Variants in GPC5 observed in about 807,000 individuals in gnomAD.
GPC5 encodes glypican 5.
Under a neutral mutation model 53.9 loss-of-function variants are expected in GPC5, and 47 were observed. The ratio of observed to expected loss-of-function variants is 0.87; its 90% CI spans 0.69 to 1.11. The LOEUF (loss-of-function observed/expected upper bound fraction) is 1.11. Ranked by LOEUF, GPC5 falls within the 50% of genes most tolerant of loss-of-function variation. GPC5 has a pLI of 0.00. For missense variants in GPC5, 748 were observed against 713.1 expected (o/e 1.05, Z -0.56); for synonymous variants, 286 against 263.3 (o/e 1.09, Z -0.84).
intron 7 of GPC5, among the ~76,000 whole-genome samples, chr13:92,790,770 G>GAGTCA (rs1876431791): frequency 2.0e-5 from 3 of 152,078 alleles, no homozygotes; most frequent in African/African-American, 7.2e-5. Flanking sequence ...TAATGGCCTT[G>GAGTCA]TTTAATGACT....
chr13:92,469,488 C>G (rs1176877553), intron 7 of GPC5, among the ~76,000 whole-genome samples: 1 of 152,120 alleles, frequency 6.6e-6, no homozygotes, highest in Non-Finnish European at 1.5e-5. Context: ...AATCTAAGGT[C>G]TATCATATGG....
chr13:92,665,590 G>T (rs531472082), intron 7 of GPC5, among the ~76,000 whole-genome samples: 22 of 152,210 alleles, frequency 1.4e-4, no homozygotes, highest in African/African-American at 4.8e-4. Context: ...ATGTTGAAGG[G>T]TTGTCCGTGG....
intron 6 of GPC5, among the ~76,000 whole-genome samples, chr13:91,960,246 T>C (rs1201693354): frequency 6.7e-6 from 1 of 149,944 alleles, no homozygotes; most frequent in Non-Finnish European, 1.5e-5. Flanking sequence ...GGATACAAAA[T>C]AAATATGCAA....
intron 2 of GPC5, among the ~76,000 whole-genome samples, chr13:91,519,560 C>T (rs1443380804): frequency 6.6e-6 from 1 of 152,192 alleles, no homozygotes; most frequent in Non-Finnish European, 1.5e-5. Flanking sequence ...GAAGATGTGT[C>T]TACTTCCCCT....
At chr13:92,577,327 A>T (rs149948010) in intron 7 of GPC5, among the ~76,000 whole-genome samples, 1 of 152,240 alleles carries the variant, frequency 6.6e-6, no homozygotes, top group African/African-American at 2.4e-5. Context: ...CAAGCTATTA[A>T]TAGCTACCAT....
chr13:92,541,912 T>C (rs1290886931), intron 7 of GPC5, among the ~76,000 whole-genome samples: 1 of 151,986 alleles, frequency 6.6e-6, no homozygotes, highest in Admixed American at 6.6e-5. Context: ...GGCATGCTTA[T>C]GTTAGATTAA....
intron 7 of GPC5, among the ~76,000 whole-genome samples, chr13:92,428,179 C>T (rs539401645): frequency 1.7e-4 from 26 of 152,214 alleles, no homozygotes; most frequent in African/African-American, 4.8e-4. Flanking sequence ...CAACCTATGG[C>T]GGACACATGG....
At chr13:92,028,549 G>C (rs1348183546) in intron 6 of GPC5, among the ~76,000 whole-genome samples, 1 of 152,128 alleles carries the variant, frequency 6.6e-6, no homozygotes, top group African/African-American at 2.4e-5. Context: ...AAATGTATTT[G>C]TGCTGGGTAA....
intron 7 of GPC5, among the ~76,000 whole-genome samples, chr13:92,347,004 CAAAAG>C (rs1171278139): frequency 5.9e-5 from 9 of 151,804 alleles, no homozygotes; most frequent in Admixed American, 5.2e-4. Context: ...AGCCAAAAGA[CAAAAG>C]AATGAAAAAA....
At chr13:92,124,123 T>G (rs2041673753) in intron 6 of GPC5, among the ~76,000 whole-genome samples, 1 of 150,492 alleles carries the variant, frequency 6.6e-6, no homozygotes, top group African/African-American at 2.5e-5. Flanking sequence ...GTTAACTTTG[T>G]GCTTTTCTTT....
At chr13:91,862,408 T>C (rs973826625) in intron 5 of GPC5, among the ~76,000 whole-genome samples, 5 of 152,146 alleles carry the variant, frequency 3.3e-5, no homozygotes, top group African/African-American at 1.2e-4. Flanking sequence ...ATATTTTTAG[T>C]TGTTAGCCTG....
intron 2 of GPC5, among the ~76,000 whole-genome samples, chr13:91,507,516 A>G (rs1885005381): frequency 1.3e-5 from 2 of 152,188 alleles, no homozygotes; most frequent in South Asian, 4.1e-4. Context: ...TAAAACCATC[A>G]GATCTTGTGA....
chr13:92,672,288 T>C (rs1286931959), intron 7 of GPC5, among the ~76,000 whole-genome samples: 1 of 152,164 alleles, frequency 6.6e-6, no homozygotes, highest in Non-Finnish European at 1.5e-5. Flanking sequence ...TTCAAAACTG[T>C]CTGTTCATGA....
At chr13:92,580,296 T>TA (rs1883329701) in intron 7 of GPC5, among the ~76,000 whole-genome samples, 1 of 152,092 alleles carries the variant, frequency 6.6e-6, no homozygotes, top group Admixed American at 6.6e-5. Context: ...CAAATGTAAA[T>TA]AAAAGAATAA....
chr13:92,101,354 C>A (rs2041465805), intron 6 of GPC5, among the ~76,000 whole-genome samples: 1 of 152,182 alleles, frequency 6.6e-6, no homozygotes, highest in South Asian at 2.1e-4. Flanking sequence ...CAGGGCTTAG[C>A]AACCCCATTC....
Position 91,945,742 on chromosome 13 carries a change from G to C in GPC5, c.1401+37685G>C, listed in dbSNP as rs182460083. On this transcript the variant is annotated intron_variant, in intron 6 of 7. Coordinates refer to ENST00000377067, the MANE Select transcript of GPC5 (RefSeq NM_004466.6). ...TGGGGGACATTATGGAGCCACTGCT[G>C]TTCTGCTTGGTAGTGCCCAAAATGG... Among the ~76,000 whole-genome samples the C allele has an allele frequency of 3.1e-4, 47 of 152,218 alleles. 1 individual carries two copies. The East Asian group carries it at 8.0e-3, about 26-fold the overall frequency.
At chr13:92,173,683 T>C (rs2042087005) in intron 7 of GPC5, among the ~76,000 whole-genome samples, 2 of 152,212 alleles carry the variant, frequency 1.3e-5, no homozygotes, top group African/African-American at 4.8e-5. Flanking sequence ...GTGTGCCACG[T>C]CTCACATTCT....
chr13:91,633,596 G>C (rs1426657984), intron 2 of GPC5, among the ~76,000 whole-genome samples: 1 of 152,120 alleles, frequency 6.6e-6, no homozygotes, highest in Non-Finnish European at 1.5e-5. Flanking sequence ...TGGAGTTTCT[G>C]AAAAAATCCA....
At chr13:91,455,503 A>G (rs1049722824) in intron 2 of GPC5, among the ~76,000 whole-genome samples, 2 of 151,986 alleles carry the variant, frequency 1.3e-5, no homozygotes, top group African/African-American at 4.8e-5. Flanking sequence ...TATTTTATTT[A>G]TTTTCCCTTA....
Sources: allele counts gnomAD v4.1 joint callset (sites outside exome capture counted in the v4.1 genomes callset), GRCh38; gene constraint gnomAD v4.1.1; transcripts MANE v1.5; gene names NCBI Gene and HGNC (gene_info 2026-07-23, HGNC 2026-07-21).